Variants in RANGAP1 observed in about 807,000 individuals in gnomAD.
RANGAP1 encodes the protein ran GTPase-activating protein 1.
A neutral mutation model predicts 63.5 loss-of-function variants in RANGAP1; 38 were observed. The ratio of observed to expected loss-of-function variants is 0.60; its 90% CI spans 0.46 to 0.78. The LOEUF (loss-of-function observed/expected upper bound fraction) is 0.78, where lower values mean the gene tolerates loss of function less well. Ranked by LOEUF, RANGAP1 falls within the 30% of genes least tolerant of loss-of-function variation. RANGAP1 has a pLI of 0.00. For synonymous variants in RANGAP1, 329 were observed against 310.5 expected, an observed-to-expected ratio of 1.06 and a Z score of -0.63; for missense variants, 630 against 740.3, an observed-to-expected ratio of 0.85 and a Z score of 1.73.
At chr22:41,296,829 A>ACTTCTCTT in the RANGAP1 span, among the ~76,000 whole-genome samples, 3 of 152,314 alleles carry the variant, frequency 2.0e-5, 1 homozygote, top group South Asian at 6.2e-4. Context: ...TGTAAGTATG[A>ACTTCTCTT]AGACTGAGAA....
chr22:41,276,851 C>T lies in RANGAP1; in HGVS notation c.113-2124G>A, dbSNP rs941748712. On this transcript the variant is annotated intron_variant, in intron 2 of 15. Transcript: ENST00000356244. ...TACAAAAATTAGTTGGGCATGGTAGCGCATGCCTGTAATCCCAGCTGCTCG... is the reference window on the plus strand; with the variant it reads ...TACAAAAATTAGTTGGGCATGGTAGTGCATGCCTGTAATCCCAGCTGCTCG... 6.0e-5 allele frequency among the ~76,000 whole-genome samples: 9 copies of T among 150,920 alleles called. 1 individual carries two copies. The highest frequency in any genetic ancestry group is 3.2e-3 in the Middle Eastern group (1 of 312).
chr22:41,280,900 G>A (rs752569652), intron 2 of RANGAP1, 33 bp downstream of exon 2: 45 of 1,612,944 alleles, frequency 2.8e-5, no homozygotes, highest in Non-Finnish European at 3.7e-5. Flanking sequence ...CTCCTCCCCT[G>A]GACACACCAG....
At chr22:41,293,607 T>C in the RANGAP1 span, among the ~76,000 whole-genome samples, 1 of 151,452 alleles carries the variant, frequency 6.6e-6, no homozygotes, top group Non-Finnish European at 1.5e-5. Context: ...TGAAACCCCA[T>C]CTCTACTAAA....
the RANGAP1 span, among the ~76,000 whole-genome samples, chr22:41,297,332 G>A: frequency 7.2e-5 from 11 of 152,216 alleles, no homozygotes; most frequent in Middle Eastern, 3.4e-3. Context: ...GTTGGATGAG[G>A]CCCATCCACC....
chr22:41,268,285 C>T (rs924777397), intron 3 of RANGAP1, 129 bp from the exon 4 acceptor site: 9 of 775,588 alleles, frequency 1.2e-5, no homozygotes, highest in African/African-American at 6.9e-5. Context: ...GACGGAGTTT[C>T]GCTCTTGTTG....
At chr22:41,293,760 CAAAAAAAAAAA>C in the RANGAP1 span, among the ~76,000 whole-genome samples, 19 of 54,860 alleles carry the variant, frequency 3.5e-4, no homozygotes, top group African/African-American at 1.0e-3. Flanking sequence ...GACTCTGTCT[CAAAAAAAAAAA>C]AAAAAAAAAA....
chr22:41,264,751 G>C lies in RANGAP1; in HGVS notation c.393C>G (p.Gly131=). The change falls in exon 5 of 16, where the codon GGC becomes GGG. Residue 131 remains glycine, a synonymous_variant. Coordinates refer to ENST00000356244, the MANE Select transcript of RANGAP1 (RefSeq NM_002883.4). ...CTGAGCTCTTGAGCAGGGCCTCGAA[G>C]CCTTGCACACCGTCGGGCCCGAATG... ...DNAFGPDGVQ[G]FEALLKSSAC... The C allele has an allele frequency of 1.2e-6, 2 of 1,614,152 alleles. No individual in the cohort carries two copies. The highest frequency in any genetic ancestry group is 1.7e-6 in the Non-Finnish European group (2 of 1,179,960).
intron 4 of RANGAP1, 127 bp downstream of exon 4, chr22:41,267,970 C>T: frequency 9.9e-7 from 1 of 1,013,670 alleles, no homozygotes; most frequent in Non-Finnish European, 1.5e-6. Flanking sequence ...GCCGGGCTTC[C>T]ATTCCAGCAG....
the RANGAP1 span, among the ~76,000 whole-genome samples, chr22:41,294,413 T>TC: frequency 6.6e-6 from 1 of 151,668 alleles, no homozygotes; most frequent in Non-Finnish European, 1.5e-5. Context: ...AACCTCCACC[T>TC]CCCAGCAGCC....
At chr22:41,279,457 A>AC (rs2035364208) in intron 2 of RANGAP1, among the ~76,000 whole-genome samples, 1 of 149,572 alleles carries the variant, frequency 6.7e-6, no homozygotes, top group African/African-American at 2.5e-5. Context: ...GTGACAGAGC[A>AC]CGACTCCATC....
In RANGAP1 at chr22:41,257,665, T is replaced by C. The variant is rs2033920966; in HGVS notation, c.774+283A>G. On this transcript the variant is annotated intron_variant, in intron 7 of 15. Transcript: ENST00000356244. The surrounding 1 kb of genome is among the most constrained non-coding windows in gnomAD (Gnocchi z 4.0). ...ACAGATGTGGGGAGCAGTCTGCTCC[T>C]GTGCAGCCTGAGAACAAACCAGCGG... is the stretch of plus-strand genomic sequence containing the variant. Among the ~76,000 whole-genome samples the C allele has an allele frequency of 6.6e-6, 1 of 152,252 alleles. No homozygotes were observed. The highest frequency in any genetic ancestry group is 1.5e-5 in the Non-Finnish European group (1 of 68,040).
chr22:41,296,387 C>T, the RANGAP1 span, among the ~76,000 whole-genome samples: 1 of 152,134 alleles, frequency 6.6e-6, no homozygotes, highest in Non-Finnish European at 1.5e-5. Context: ...TGGCTCATGC[C>T]TGTAATCCCA....
chr22:41,296,770 T>TGA, the RANGAP1 span, among the ~76,000 whole-genome samples: 47 of 152,078 alleles, frequency 3.1e-4, no homozygotes, highest in African/African-American at 1.1e-3. Context: ...TATGTACGTA[T>TGA]GAGAGAGAGA....
intron 10 of RANGAP1, among the ~76,000 whole-genome samples, chr22:41,255,647 G>A (rs1179549495): frequency 1.3e-5 from 2 of 151,158 alleles, no homozygotes; most frequent in Non-Finnish European, 2.9e-5. Flanking sequence ...CAGCCCGTAC[G>A]AGCTCCTCTG....
intron 10 of RANGAP1, among the ~76,000 whole-genome samples, chr22:41,254,955 G>A (rs2033726237): frequency 6.7e-6 from 1 of 149,356 alleles, no homozygotes; most frequent in South Asian, 2.1e-4. Flanking sequence ...CTGGGCAACA[G>A]AGCGAGACTC....
In RANGAP1 at chr22:41,268,128, C is replaced by A; in HGVS notation, c.269G>T (p.Gly90Val). 6.4e-7 allele frequency: 1 copy of A among 1,559,038 alleles called. No individual in the cohort carries two copies. The highest frequency in any genetic ancestry group is 1.9e-5 in the Admixed American group (1 of 52,172). The change falls in exon 4 of 16, where the codon GGA (glycine) becomes GTA (valine). Residue 90 changes from glycine to valine, a missense_variant. Around this residue, in one of 3 missense-constraint regions of RANGAP1, gnomAD observed 137 missense variants for 214.3 expected, o/e 0.64. Transcript: ENST00000356244. ...TGGTGGGATCTCGGTCCGCAGCCTT[C>A]CCGTGAACATGTCACTCCAGTGGCA... ...KRCHWSDMFT[G>V]RLRTEIPPAL...
At chr22:41,291,715 G>A in the RANGAP1 span, among the ~76,000 whole-genome samples, 3 of 151,492 alleles carry the variant, frequency 2.0e-5, no homozygotes, top group Non-Finnish European at 2.9e-5. Context: ...TGGCTAACAC[G>A]GTGAAACCCC....
chr22:41,277,357 CG>C (rs1387271035), intron 2 of RANGAP1: 1 of 692,902 alleles, frequency 1.4e-6, no homozygotes. Context: ...GGATTACAGG[CG>C]TGAGCCACCG....
intron 2 of RANGAP1, 62 bp downstream of exon 2, chr22:41,280,871 A>C: frequency 6.2e-7 from 1 of 1,607,066 alleles, no homozygotes; most frequent in Non-Finnish European, 8.5e-7. Context: ...ACAACCAGTA[A>C]GAGTTCAGTA....
Sources: allele counts gnomAD v4.1 joint callset (sites outside exome capture counted in the v4.1 genomes callset), GRCh38; gene constraint gnomAD v4.1.1; regional missense constraint gnomAD v4.1.1; non-coding constraint Gnocchi (gnomAD v3.1); transcripts MANE v1.5; gene names NCBI Gene and HGNC (gene_info 2026-07-23, HGNC 2026-07-21).